The following TBC1D22A variants were observed in gnomAD, a reference collection of about 807,000 sequenced individuals.
The protein encoded by TBC1D22A is putative GTPase activator.
A neutral mutation model predicts 60.2 loss-of-function variants in TBC1D22A; 38 were observed. The observed-to-expected ratio is 0.63, with a 90% CI of 0.49 to 0.83. The LOEUF is 0.83. Among genes scored for constraint, TBC1D22A ranks in the 40% least tolerant of loss-of-function variants. The pLI is 0.00. For missense variants in TBC1D22A, 628 were observed against 701.0 expected, an observed-to-expected ratio of 0.90 and a Z score of 1.18; for synonymous variants, 302 against 281.7, an observed-to-expected ratio of 1.07 and a Z score of -0.72.
intron 4 of TBC1D22A, among the ~76,000 whole-genome samples, chr22:46,842,707 A>G (rs892639147): frequency 6.6e-6 from 1 of 152,274 alleles, no homozygotes; most frequent in Non-Finnish European, 1.5e-5. Flanking sequence ...GCCTTACTGC[A>G]GAACGTTCTC....
At chr22:47,047,713 G>A (rs1055014266) in intron 11 of TBC1D22A, among the ~76,000 whole-genome samples, 4 of 152,360 alleles carry the variant, frequency 2.6e-5, no homozygotes, top group African/African-American at 7.2e-5. Context: ...CATCCTTGAT[G>A]GTGGAAGAAG....
At chr22:46,865,668 G>A (rs895282761) in intron 4 of TBC1D22A, among the ~76,000 whole-genome samples, 2 of 152,176 alleles carry the variant, frequency 1.3e-5, no homozygotes, top group Admixed American at 1.3e-4. Context: ...CCCTGCACAG[G>A]CATGTCCACA....
intron 12 of TBC1D22A, among the ~76,000 whole-genome samples, chr22:47,132,232 C>T (rs191855085): frequency 3.2e-4 from 48 of 152,248 alleles, no homozygotes; most frequent in African/African-American, 1.1e-3. Flanking sequence ...GAGTCTTGGT[C>T]GTCAGGCCTG....
At chr22:47,061,201 C>T (rs563266749) in intron 11 of TBC1D22A, among the ~76,000 whole-genome samples, 120 of 151,896 alleles carry the variant, frequency 7.9e-4, no homozygotes, top group African/African-American at 2.8e-3. Flanking sequence ...CTGTCTTCCT[C>T]GGTGCCCTCA....
chr22:46,912,251 A>G, intron 8 of TBC1D22A, 63 bp downstream of exon 8: 1 of 1,166,724 alleles, frequency 8.6e-7, no homozygotes, highest in Non-Finnish European at 1.3e-6. Context: ...TACTATGTAT[A>G]ATTATAACAA....
intron 8 of TBC1D22A, among the ~76,000 whole-genome samples, chr22:46,954,311 C>T (rs567610625): frequency 6.6e-6 from 1 of 152,342 alleles, no homozygotes; most frequent in East Asian, 1.9e-4. Flanking sequence ...TGCTTTAGAT[C>T]AGGATTAAGA....
chr22:46,927,616 A>T (rs933665353), intron 8 of TBC1D22A, among the ~76,000 whole-genome samples: 3 of 152,214 alleles, frequency 2.0e-5, no homozygotes, highest in Non-Finnish European at 4.4e-5. Context: ...AATGAAACAA[A>T]AGTCATCCAG....
At chr22:46,791,865 A>G (rs537526280) in intron 1 of TBC1D22A, among the ~76,000 whole-genome samples, 1 of 152,298 alleles carries the variant, frequency 6.6e-6, no homozygotes, top group South Asian at 2.1e-4. Flanking sequence ...GGTTCAAGCC[A>G]TTCTTCTGCC....
chr22:46,830,055 C>T (rs2086243839), intron 4 of TBC1D22A, among the ~76,000 whole-genome samples: 1 of 152,218 alleles, frequency 6.6e-6, no homozygotes, highest in South Asian at 2.1e-4. Flanking sequence ...GCGCAGAGCC[C>T]TGGGTGGGGA....
At chr22:46,826,560 G>C (rs748041217) in intron 4 of TBC1D22A, among the ~76,000 whole-genome samples, 1 of 152,200 alleles carries the variant, frequency 6.6e-6, no homozygotes, top group Admixed American at 6.5e-5. Context: ...TAGTGTGTTT[G>C]GGAGAGGGCT....
intron 11 of TBC1D22A, among the ~76,000 whole-genome samples, chr22:47,064,823 C>T (rs192032117): frequency 1.9e-4 from 29 of 152,334 alleles, no homozygotes; most frequent in African/African-American, 5.3e-4. Flanking sequence ...TTAAATTTCA[C>T]GAAGAATAAA....
intron 4 of TBC1D22A, among the ~76,000 whole-genome samples, chr22:46,856,711 AG>A (rs1183857279): frequency 6.6e-6 from 1 of 152,214 alleles, no homozygotes; most frequent in African/African-American, 2.4e-5. Context: ...GAAAGGCCAA[AG>A]TTTTCCCTTA....
chr22:46,823,593 C>A (rs1013306580), intron 4 of TBC1D22A, among the ~76,000 whole-genome samples: 1 of 152,190 alleles, frequency 6.6e-6, no homozygotes, highest in African/African-American at 2.4e-5. Flanking sequence ...TGGCTTGAAT[C>A]CTGCCTCACC....
intron 11 of TBC1D22A, among the ~76,000 whole-genome samples, chr22:47,051,061 T>G (rs2063198408): frequency 6.6e-6 from 1 of 152,192 alleles, no homozygotes; most frequent in Non-Finnish European, 1.5e-5. Context: ...CCCAGGGGGC[T>G]TCCGTGGGTT....
intron 4 of TBC1D22A, among the ~76,000 whole-genome samples, chr22:46,849,810 T>C (rs1307066922): frequency 6.6e-6 from 1 of 152,196 alleles, no homozygotes; most frequent in Non-Finnish European, 1.5e-5. Flanking sequence ...GGTCCCGTAG[T>C]TTCTCTCATT....
chr22:47,029,288 C>T (rs1423204620), intron 10 of TBC1D22A, among the ~76,000 whole-genome samples: 1 of 151,768 alleles, frequency 6.6e-6, no homozygotes, highest in Non-Finnish European at 1.5e-5. Context: ...CACAGCGCTT[C>T]CATACCCCTT....
chr22:46,875,118 C>A (rs1015285320), intron 4 of TBC1D22A, among the ~76,000 whole-genome samples: 1 of 152,122 alleles, frequency 6.6e-6, no homozygotes, highest in Non-Finnish European at 1.5e-5. Flanking sequence ...GAGCGTTCAT[C>A]GCAGCCTATT....
chr22:47,112,094 C>T (rs1276615856), intron 12 of TBC1D22A, among the ~76,000 whole-genome samples: 1 of 152,236 alleles, frequency 6.6e-6, no homozygotes, highest in Non-Finnish European at 1.5e-5. Flanking sequence ...CAGGAGAGCC[C>T]TCCTCGCATG....
At chr22:46,822,159 A>T (rs1243460404) in intron 4 of TBC1D22A, among the ~76,000 whole-genome samples, 7 of 151,966 alleles carry the variant, frequency 4.6e-5, no homozygotes, top group African/African-American at 1.7e-4. Flanking sequence ...CAAGGTTCTT[A>T]GCTTCTTTGC....
Sources: allele counts gnomAD v4.1 joint callset (sites outside exome capture counted in the v4.1 genomes callset), GRCh38; gene constraint gnomAD v4.1.1; transcripts MANE v1.5; gene names NCBI Gene and HGNC (gene_info 2026-07-23, HGNC 2026-07-21).